Variants in ASTN2 observed in about 807,000 individuals in gnomAD.
ASTN2 encodes astrotactin-2.
A neutral mutation model predicts 139.8 loss-of-function variants in ASTN2; 54 were observed. The observed-to-expected ratio is 0.39, with a 90% CI of 0.31 to 0.48. The LOEUF is 0.48. Ranked by LOEUF, ASTN2 falls within the 20% of genes least tolerant of loss-of-function variation. ASTN2 has a pLI of 0.95. For missense variants in ASTN2, 1,565 were observed against 1,725.1 expected, an observed-to-expected ratio of 0.91 and a Z score of 1.64; for synonymous variants, 756 against 719.5, an observed-to-expected ratio of 1.05 and a Z score of -0.81.
chr9:117,272,814 G>T (rs1431344965), intron 2 of ASTN2, among the ~76,000 whole-genome samples: 1 of 152,130 alleles, frequency 6.6e-6, no homozygotes, highest in Non-Finnish European at 1.5e-5. Flanking sequence ...GGACCTTATT[G>T]TTCATATCAC....
chr9:117,252,581 T>C (rs1833568786), intron 2 of ASTN2, among the ~76,000 whole-genome samples: 1 of 152,166 alleles, frequency 6.6e-6, no homozygotes, highest in African/African-American at 2.4e-5. Flanking sequence ...GGTCATTAAA[T>C]TAAAAAAACA....
At chr9:116,651,042 A>G (rs1359536707) in intron 17 of ASTN2, among the ~76,000 whole-genome samples, 3 of 151,478 alleles carry the variant, frequency 2.0e-5, no homozygotes, top group South Asian at 2.1e-4. Context: ...CAGCCTCCCA[A>G]CGTAGCTGCG....
chr9:116,549,130 G>T (rs1852228512), intron 19 of ASTN2, among the ~76,000 whole-genome samples: 1 of 151,898 alleles, frequency 6.6e-6, no homozygotes, highest in South Asian at 2.1e-4. Context: ...GCGGCTGGTG[G>T]CCTGGTCTAG....
chr9:116,978,614 T>C (rs1836424466), intron 7 of ASTN2, among the ~76,000 whole-genome samples: 1 of 152,210 alleles, frequency 6.6e-6, no homozygotes, highest in East Asian at 1.9e-4. Context: ...AATGTATTAC[T>C]TAACAGAGAT....
intron 6 of ASTN2, among the ~76,000 whole-genome samples, chr9:117,010,215 G>T (rs533079571): frequency 6.6e-6 from 1 of 152,120 alleles, no homozygotes; most frequent in African/African-American, 2.4e-5. Context: ...CAAATTTCTG[G>T]CAGGAGAAGA....
chr9:116,832,348 AT>A (rs200214919), intron 11 of ASTN2, among the ~76,000 whole-genome samples: 12 of 148,268 alleles, frequency 8.1e-5, no homozygotes, highest in East Asian at 4.0e-4. Flanking sequence ...TCCTTTTTTG[AT>A]TTTTTTTTTC....
intron 16 of ASTN2, among the ~76,000 whole-genome samples, chr9:116,683,222 T>C (rs1313591506): frequency 6.6e-6 from 1 of 152,132 alleles, no homozygotes; most frequent in African/African-American, 2.4e-5. Context: ...ACTGTGATAT[T>C]AGAATCGAGG....
chr9:116,775,550 G>C, intron 13 of ASTN2, among the ~76,000 whole-genome samples: 1 of 114,652 alleles, frequency 8.7e-6, no homozygotes, highest in Non-Finnish European at 1.8e-5. Context: ...GGAGGGGAGG[G>C]GAGGGGATGG....
chr9:116,635,643 C>T (rs1020788253), intron 17 of ASTN2, among the ~76,000 whole-genome samples: 3 of 152,152 alleles, frequency 2.0e-5, no homozygotes, highest in African/African-American at 4.8e-5. Flanking sequence ...CTACCTCAAG[C>T]ACCTGCTACG....
At chr9:116,465,006 T>C (rs1848608979) in intron 20 of ASTN2, among the ~76,000 whole-genome samples, 1 of 152,244 alleles carries the variant, frequency 6.6e-6, no homozygotes, top group African/African-American at 2.4e-5. Flanking sequence ...GTAGTCGTTA[T>C]GGAGGGAATG....
chr9:116,493,721 C>T (rs905445292), intron 19 of ASTN2, among the ~76,000 whole-genome samples: 5 of 152,086 alleles, frequency 3.3e-5, no homozygotes, highest in African/African-American at 1.2e-4. Context: ...CAAAGCCGGC[C>T]ACATGAGCAA....
At chr9:116,576,863 T>A (rs1405511846) in intron 19 of ASTN2, among the ~76,000 whole-genome samples, 1 of 152,118 alleles carries the variant, frequency 6.6e-6, no homozygotes, top group Non-Finnish European at 1.5e-5. Context: ...AGAAAGCTCA[T>A]CCCACCCTTA....
chr9:116,645,703 C>T (rs1247702819), intron 17 of ASTN2, among the ~76,000 whole-genome samples: 2 of 152,150 alleles, frequency 1.3e-5, no homozygotes, highest in Non-Finnish European at 2.9e-5. Context: ...TTAGAATGAG[C>T]TATGATATTC....
At chr9:116,942,829 T>C (rs2132472064) in intron 10 of ASTN2, among the ~76,000 whole-genome samples, 1 of 152,350 alleles carries the variant, frequency 6.6e-6, no homozygotes, top group East Asian at 1.9e-4. Context: ...CAGTCAGCCT[T>C]AGCCCAGAGG....
intron 16 of ASTN2, chr9:116,686,897 C>T: frequency 6.6e-7 from 1 of 1,521,806 alleles, no homozygotes; most frequent in South Asian, 1.2e-5. Flanking sequence ...TTCTCGACTT[C>T]CCCAGAATGG....
chr9:117,132,158 C>A (rs1182097783), intron 4 of ASTN2, among the ~76,000 whole-genome samples: 1 of 151,996 alleles, frequency 6.6e-6, no homozygotes, highest in Admixed American at 6.6e-5. Context: ...ACCTTTTGGG[C>A]TCAATCCAAA....
rs939655324 is a variant in ASTN2, at chr9:116,585,118, T to C, written c.3355+33206A>G. On this transcript the variant is annotated intron_variant, in intron 19 of 22. Coordinates refer to ENST00000313400, the MANE Select transcript of ASTN2 (RefSeq NM_001365068.1). ...TGTGCTGGGCATAAGACTGACCTGG[T>C]TTTATATATATATAAAAATTATCTG... The C allele has an allele frequency of 4.6e-5, 7 of 152,142 alleles. No homozygotes were observed. In the South Asian group the frequency reaches 1.2e-3, roughly 27 times the overall value. 9.4% of individuals were successfully genotyped at this position (152,142 alleles called of 1,614,324 possible).
At chr9:116,704,189 A>C (rs73515237) in intron 16 of ASTN2, among the ~76,000 whole-genome samples, 3,835 of 152,298 alleles carry the variant, frequency 0.025, 151 homozygotes, top group African/African-American at 0.087. Flanking sequence ...CTGTTAATTT[A>C]AATAAGGGTG....
intron 12 of ASTN2, among the ~76,000 whole-genome samples, chr9:116,812,334 C>A (rs965946948): frequency 3.3e-5 from 5 of 152,150 alleles, no homozygotes; most frequent in Admixed American, 6.5e-5. Context: ...CTTGGGTGAT[C>A]TCAATGTCAT....
Sources: allele counts gnomAD v4.1 joint callset (sites outside exome capture counted in the v4.1 genomes callset), GRCh38; gene constraint gnomAD v4.1.1; transcripts MANE v1.5; gene names NCBI Gene and HGNC (gene_info 2026-07-23, HGNC 2026-07-21).